SLC6A6: variants seen among roughly 807,000 people sequenced by gnomAD.
SLC6A6 encodes the protein sodium- and chloride-dependent taurine transporter.
SLC6A6 carries 16 observed loss-of-function variants against 68.8 expected under a neutral mutation model. The ratio of observed to expected loss-of-function variants is 0.23; its 90% CI spans 0.16 to 0.35. The LOEUF (loss-of-function observed/expected upper bound fraction) is 0.35, where lower values mean the gene tolerates loss of function less well. Ranked by LOEUF, SLC6A6 falls within the 10% of genes least tolerant of loss-of-function variation. The pLI, the probability that SLC6A6 is intolerant of heterozygous loss-of-function variation, is 1.00. For synonymous variants in SLC6A6, 312 were observed against 315.4 expected (o/e 0.99, Z 0.12); for missense variants, 474 against 802.8 (o/e 0.59, Z 4.95).
chr3:14,483,219 G>A (rs1181948029), intron 14 of SLC6A6, among the ~76,000 whole-genome samples: 1 of 152,166 alleles, frequency 6.6e-6, no homozygotes, highest in Non-Finnish European at 1.5e-5. Flanking sequence ...GTGGGTGAGG[G>A]CAGGCTTCAC....
chr3:14,482,739 G>T (rs1272174830), intron 14 of SLC6A6, among the ~76,000 whole-genome samples: 1 of 151,924 alleles, frequency 6.6e-6, no homozygotes, highest in Admixed American at 6.6e-5. Flanking sequence ...CCTTGAAACT[G>T]GGGGGGCCCC....
intron 14 of SLC6A6, among the ~76,000 whole-genome samples, chr3:14,482,056 G>A (rs1042695096): frequency 8.5e-5 from 13 of 152,236 alleles, no homozygotes; most frequent in African/African-American, 3.1e-4. Flanking sequence ...TGGAGACATT[G>A]GAAGCCGGGC....
chr3:14,418,423 G>C (rs11714895), intron 2 of SLC6A6, among the ~76,000 whole-genome samples: 3,917 of 152,242 alleles, frequency 0.026, 84 homozygotes, highest in Middle Eastern at 0.054. Context: ...TAGGTTGCTT[G>C]GTCACAAGCA....
intron 11 of SLC6A6, among the ~76,000 whole-genome samples, chr3:14,478,037 T>C (rs180798892): frequency 6.7e-6 from 1 of 149,136 alleles, no homozygotes; most frequent in East Asian, 2.1e-4. Context: ...ACGGGTCCCA[T>C]TTAACAGTTC....
In SLC6A6 at chr3:14,477,509, C is replaced by T. The variant is rs1033258608; in HGVS notation, c.1347+167C>T. Among the ~76,000 whole-genome samples, 3 of 152,210 alleles carry T rather than the reference C, an allele frequency of 2.0e-5. No homozygotes were observed. The South Asian group carries it at 6.2e-4, about 31-fold the overall frequency. On this transcript the variant is annotated intron_variant, in intron 11 of 14. Coordinates refer to ENST00000622186, the MANE Select transcript of SLC6A6 (RefSeq NM_003043.6). This position sits in a 1 kb window ranked among gnomAD's most constrained non-coding sequence, Gnocchi z 4.2. The stretch of plus-strand genomic sequence containing the variant: ...CAACACTGGGGGTAGCACGAGGGGG[C>T]TCAGGAGCCCACAGCTGACCCAAAC...
intron 10 of SLC6A6, among the ~76,000 whole-genome samples, chr3:14,475,845 T>G (rs1049257816): frequency 6.6e-6 from 1 of 152,214 alleles, no homozygotes; most frequent in Non-Finnish European, 1.5e-5. Flanking sequence ...CCTCTTCTCT[T>G]GGATCCCTCT....
intron 13 of SLC6A6, among the ~76,000 whole-genome samples, chr3:14,479,913 C>T (rs1700969554): frequency 6.6e-6 from 1 of 152,218 alleles, no homozygotes; most frequent in Non-Finnish European, 1.5e-5. Flanking sequence ...AGACCACATC[C>T]ATCCTGCCAT....
At chr3:14,454,969 T>A (rs950107871) in intron 5 of SLC6A6, among the ~76,000 whole-genome samples, 3 of 152,228 alleles carry the variant, frequency 2.0e-5, no homozygotes, top group African/African-American at 7.2e-5. Flanking sequence ...CTTTCCTGTT[T>A]TACACCGCTG....
chr3:14,454,315 G>T (rs1158278123), intron 5 of SLC6A6, among the ~76,000 whole-genome samples: 1 of 152,206 alleles, frequency 6.6e-6, no homozygotes, highest in Non-Finnish European at 1.5e-5. Context: ...ACACTGTGGG[G>T]AGCCTGTGCA....
At chr3:14,459,600 A>C (rs1228017011) in intron 6 of SLC6A6, among the ~76,000 whole-genome samples, 4 of 152,170 alleles carry the variant, frequency 2.6e-5, no homozygotes, top group Non-Finnish European at 5.9e-5. Flanking sequence ...TGCCCGGAAC[A>C]GGCGGGAGCA....
At chr3:14,433,059 C>A (rs1307320440) in intron 2 of SLC6A6, among the ~76,000 whole-genome samples, 1 of 151,694 alleles carries the variant, frequency 6.6e-6, no homozygotes, top group East Asian at 1.9e-4. Flanking sequence ...ACAAAACGAG[C>A]CCCTCCCTCC....
At chr3:14,425,741 C>T (rs952190850) in intron 2 of SLC6A6, among the ~76,000 whole-genome samples, 14 of 152,042 alleles carry the variant, frequency 9.2e-5, no homozygotes, top group Non-Finnish European at 1.8e-4. Context: ...GCAACAATTG[C>T]GTTTCCAAAA....
At chr3:14,471,638 A>C (rs945499561) in intron 9 of SLC6A6, among the ~76,000 whole-genome samples, 3 of 152,126 alleles carry the variant, frequency 2.0e-5, no homozygotes, top group Non-Finnish European at 2.9e-5. Flanking sequence ...CCTTGACCTC[A>C]TGGGCTTGGC....
At chr3:14,412,402 A>G (rs1325136075) in intron 1 of SLC6A6, among the ~76,000 whole-genome samples, 3 of 152,210 alleles carry the variant, frequency 2.0e-5, no homozygotes, top group Non-Finnish European at 4.4e-5. Context: ...AAACTCGTCC[A>G]GGTGTGGTGG....
rs775039107 is a variant in SLC6A6 at position 14,472,687 on chromosome 3, G to A, written c.1209+370G>A. ...TGGAGGTCATGACTCAATAAGTCAT[G>A]ATGTGCTCCAGTGGAGCGTCGGCGG... On this transcript the variant is annotated intron_variant, in intron 10 of 14. Transcript: ENST00000622186. The surrounding 1 kb of genome is among the most constrained non-coding windows in gnomAD (Gnocchi z 4.5). 1.3e-5 allele frequency among the ~76,000 whole-genome samples: 2 copies of A among 152,200 alleles called. No homozygotes were observed. The highest frequency in any genetic ancestry group is 2.9e-5 in the Non-Finnish European group (2 of 68,044).
At chr3:14,414,630 G>A (rs1407129198) in intron 1 of SLC6A6, among the ~76,000 whole-genome samples, 1 of 152,004 alleles carries the variant, frequency 6.6e-6, no homozygotes, top group African/African-American at 2.4e-5. Context: ...GGCTCAAGCA[G>A]TCCTCCCACC....
At chr3:14,474,729 T>A (rs1277451029) in intron 10 of SLC6A6, among the ~76,000 whole-genome samples, 2 of 152,216 alleles carry the variant, frequency 1.3e-5, no homozygotes, top group Non-Finnish European at 2.9e-5. Context: ...GCAGAAACTG[T>A]CTCTTACCTG....
intron 2 of SLC6A6, among the ~76,000 whole-genome samples, chr3:14,422,252 C>G (rs1699501296): frequency 6.6e-6 from 1 of 152,168 alleles, no homozygotes; most frequent in Non-Finnish European, 1.5e-5. Context: ...GGTCAGTATT[C>G]AGACCCAAAT....
intron 14 of SLC6A6, among the ~76,000 whole-genome samples, chr3:14,483,831 A>G (rs1701070737): frequency 6.6e-6 from 1 of 151,740 alleles, no homozygotes; most frequent in African/African-American, 2.4e-5. Context: ...ACAGGCACGT[A>G]CCACCATGCC....
Sources: gnomAD v4.1 joint callset for allele counts (sites outside exome capture counted in the v4.1 genomes callset) on GRCh38, gnomAD v4.1.1 for gene constraint, Gnocchi (gnomAD v3.1) non-coding constraint, MANE v1.5 for transcripts, NCBI Gene and HGNC (gene_info 2026-07-23, HGNC 2026-07-21) for gene names.